The following ASTN2 variants were observed in gnomAD, a reference collection of about 807,000 sequenced individuals.
ASTN2 encodes astrotactin 2, also known as astrotactin-2.
A neutral mutation model predicts 139.8 loss-of-function variants in ASTN2; 54 were observed. The observed-to-expected ratio is 0.39, with a 90% confidence interval of 0.31 to 0.48. ASTN2 has a LOEUF of 0.48. Ranked by LOEUF, ASTN2 falls within the 20% of genes least tolerant of loss-of-function variation. The probability of loss-of-function intolerance (pLI) is 0.95; values close to 1 mark genes in which losing one functional copy is unlikely to be tolerated. For synonymous variants in ASTN2, 756 were observed against 719.5 expected, an observed-to-expected ratio of 1.05 and a Z score of -0.81; for missense variants, 1,565 against 1,725.1, an observed-to-expected ratio of 0.91 and a Z score of 1.64.
chr9:116,632,185 G>GAGAGAGAGAGA (rs1564168833), intron 17 of ASTN2, among the ~76,000 whole-genome samples: 53 of 48,648 alleles, frequency 1.1e-3, no homozygotes, highest in Non-Finnish European at 1.4e-3. Flanking sequence ...AGAGAGAGAG[G>GAGAGAGAGAGA]GAGAGAGAGA....
At chr9:117,238,499 G>T (rs1199554840) in intron 2 of ASTN2, among the ~76,000 whole-genome samples, 1 of 152,194 alleles carries the variant, frequency 6.6e-6, no homozygotes, top group East Asian at 1.9e-4. Flanking sequence ...TTATGAATGT[G>T]TATACTGATA....
At chr9:117,182,346 A>C (rs75065099) in intron 3 of ASTN2, among the ~76,000 whole-genome samples, 1 of 133,512 alleles carries the variant, frequency 7.5e-6, no homozygotes, top group African/African-American at 2.8e-5. Flanking sequence ...CACACACACA[A>C]ACACATACCC....
At chr9:117,214,878 G>C (rs979528738) in intron 2 of ASTN2, 136 bp from the exon 3 acceptor site, 2 of 1,073,900 alleles carry the variant, frequency 1.9e-6, no homozygotes, top group Non-Finnish European at 2.4e-6. Flanking sequence ...ACCAGCCGTG[G>C]TTTTTAAGCT....
chr9:117,083,960 C>G (rs1245721085), intron 5 of ASTN2, among the ~76,000 whole-genome samples: 2 of 149,752 alleles, frequency 1.3e-5, no homozygotes, highest in Non-Finnish European at 3.0e-5. Flanking sequence ...TTTCTGCATT[C>G]AAGGAACCCT....
chr9:116,480,831 G>T (rs1355068526), intron 20 of ASTN2, among the ~76,000 whole-genome samples: 1 of 152,146 alleles, frequency 6.6e-6, no homozygotes, highest in African/African-American at 2.4e-5. Context: ...AGAGTGGTGG[G>T]TAGGGGCAAG....
chr9:117,305,867 G>C (rs1449124307), intron 1 of ASTN2, among the ~76,000 whole-genome samples: 2 of 152,194 alleles, frequency 1.3e-5, no homozygotes, highest in South Asian at 2.1e-4. Flanking sequence ...GCCAGCACAA[G>C]AACCAGCACA....
intron 2 of ASTN2, among the ~76,000 whole-genome samples, chr9:117,275,651 C>T (rs753458258): frequency 2.6e-5 from 4 of 151,000 alleles, no homozygotes; most frequent in South Asian, 2.1e-4. Context: ...CTGCAACCTC[C>T]GCCTCCCAGA....
chr9:117,309,259 T>G (rs1481111671), intron 1 of ASTN2, among the ~76,000 whole-genome samples: 2 of 152,344 alleles, frequency 1.3e-5, no homozygotes, highest in East Asian at 3.9e-4. Flanking sequence ...TACTGCCCCT[T>G]CTGCCACTGG....
chr9:116,964,052 T>G (rs1835938156), intron 10 of ASTN2, among the ~76,000 whole-genome samples: 1 of 152,172 alleles, frequency 6.6e-6, no homozygotes, highest in Admixed American at 6.5e-5. Context: ...CATAGTCCCC[T>G]TTTAAATCTC....
At chr9:117,218,344 C>A (rs1034925115) in intron 2 of ASTN2, among the ~76,000 whole-genome samples, 2 of 152,194 alleles carry the variant, frequency 1.3e-5, no homozygotes, top group African/African-American at 2.4e-5. Flanking sequence ...CCCAGCCTGC[C>A]CTGAACTCAG....
intron 2 of ASTN2, among the ~76,000 whole-genome samples, chr9:117,278,152 C>T (rs574846194): frequency 1.4e-4 from 21 of 152,316 alleles, no homozygotes; most frequent in African/African-American, 4.8e-4. Context: ...GGTCCTCCGT[C>T]ACAGGCGGAA....
At chr9:117,166,205 G>A (rs1176412625) in intron 3 of ASTN2, among the ~76,000 whole-genome samples, 1 of 152,016 alleles carries the variant, frequency 6.6e-6, no homozygotes, top group Non-Finnish European at 1.5e-5. Flanking sequence ...CTCATTTATA[G>A]TAACAGTGGA....
chr9:116,530,093 T>TGA (rs1564345594), intron 19 of ASTN2, among the ~76,000 whole-genome samples: 2 of 81,238 alleles, frequency 2.5e-5, no homozygotes, highest in Non-Finnish European at 4.6e-5. Flanking sequence ...GGATAAAGTG[T>TGA]GATATATATA....
At chr9:116,948,785 G>GTTTTTTTTTTTGTTTTTTTTTT (rs1835471236) in intron 10 of ASTN2, among the ~76,000 whole-genome samples, 4 of 49,472 alleles carry the variant, frequency 8.1e-5, no homozygotes, top group African/African-American at 3.5e-4. Context: ...ATAATTTGGT[G>GTTTTTTTTTTTGTTTTTTTTTT]TTTTTTTTTT....
chr9:116,681,342 G>T (rs1380261653), intron 16 of ASTN2, among the ~76,000 whole-genome samples: 1 of 152,116 alleles, frequency 6.6e-6, no homozygotes, highest in Non-Finnish European at 1.5e-5. Context: ...TCTTCAAGGA[G>T]AACTACAAAC....
chr9:116,665,975 G>C (rs1317695265), intron 16 of ASTN2, among the ~76,000 whole-genome samples: 1 of 152,098 alleles, frequency 6.6e-6, no homozygotes, highest in Admixed American at 6.6e-5. Flanking sequence ...GCCATGCTTT[G>C]AACTGGATTT....
chr9:116,677,557 G>C (rs1351339378), intron 16 of ASTN2, among the ~76,000 whole-genome samples: 3 of 152,168 alleles, frequency 2.0e-5, no homozygotes, highest in African/African-American at 7.2e-5. Context: ...ACTTGGATCA[G>C]AGAAGCATGC....
rs536535313 is a variant in ASTN2, at chr9:117,018,319, A to C, written c.1424-10060T>G. 8.9e-4 allele frequency among the ~76,000 whole-genome samples: 135 copies of C among 152,278 alleles called. 1 individual carries two copies. The highest frequency in any genetic ancestry group is 3.0e-3 in the African/African-American group (125 of 41,570). ...TTCTTAGGGTCTACCCTTTTGTATG[A>C]GATGTGCTTCCTTCTGCCTTTCCCA... On this transcript the variant is annotated intron_variant, in intron 6 of 22. Coordinates refer to ENST00000313400, the MANE Select transcript of ASTN2 (RefSeq NM_001365068.1).
At chr9:117,329,557 G>A (rs1421345563) in intron 1 of ASTN2, among the ~76,000 whole-genome samples, 1 of 152,116 alleles carries the variant, frequency 6.6e-6, no homozygotes, top group Admixed American at 6.6e-5. Flanking sequence ...ATTAGGATTG[G>A]GTTTTAGAGG....
Sources: gnomAD v4.1 joint callset for allele counts (sites outside exome capture counted in the v4.1 genomes callset) on GRCh38, gnomAD v4.1.1 for gene constraint, MANE v1.5 for transcripts, NCBI Gene and HGNC (gene_info 2026-07-23, HGNC 2026-07-21) for gene names.